Variants in SMC6 observed in about 807,000 individuals in gnomAD.
The protein encoded by SMC6 is structural maintenance of chromosomes 6, also known as structural maintenance of chromosomes protein 6.
Under a neutral mutation model 142.2 loss-of-function variants are expected in SMC6, and 79 were observed. The observed-to-expected ratio is 0.56, with a 90% CI of 0.46 to 0.67. SMC6 has a LOEUF of 0.67. SMC6 is among the 30% of genes least tolerant of loss of function. The pLI, the probability that SMC6 is intolerant of heterozygous loss-of-function variation, is 0.00. For synonymous variants in SMC6, 411 were observed against 412.4 expected, an observed-to-expected ratio of 1.00 and a Z score of 0.04; for missense variants, 1,072 against 1,284.0, an observed-to-expected ratio of 0.83 and a Z score of 2.52.
At chr2:17,725,227 CA>C in intron 9 of SMC6, 29 bp downstream of exon 9, 1 of 1,533,096 alleles carries the variant, frequency 6.5e-7, no homozygotes. Flanking sequence ...TGGCTGATCT[CA>C]AAAAGATTTA....
chr2:17,717,225 C>A, intron 12 of SMC6, 49 bp from the exon 13 acceptor site: 1 of 1,345,354 alleles, frequency 7.4e-7, no homozygotes, highest in South Asian at 1.3e-5. Flanking sequence ...ACACAAATAT[C>A]CCATTCACGT....
intron 23 of SMC6, 114 bp from the exon 24 acceptor site, chr2:17,683,877 G>T: frequency 6.8e-6 from 6 of 882,468 alleles, no homozygotes; most frequent in Non-Finnish European, 1.1e-5. Context: ...AGTACTAAGG[G>T]GGCCTAGTAG....
chr2:17,739,563 TGAACCTGG>T (rs1670323769), intron 4 of SMC6, among the ~76,000 whole-genome samples: 2 of 152,018 alleles, frequency 1.3e-5, no homozygotes, highest in Non-Finnish European at 2.9e-5. Context: ...GAGGATTACT[TGAACCTGG>T]GAGGTAGAGG....
intron 18 of SMC6, among the ~76,000 whole-genome samples, chr2:17,705,094 C>T (rs958951945): frequency 1.3e-5 from 2 of 150,560 alleles, no homozygotes; most frequent in African/African-American, 4.9e-5. Flanking sequence ...TTGTCTCTAC[C>T]AAAAAGTGCA....
At chr2:17,717,290 T>G in intron 12 of SMC6, 114 bp from the exon 13 acceptor site, 1 of 644,030 alleles carries the variant, frequency 1.6e-6, no homozygotes, top group Non-Finnish European at 2.5e-6. Flanking sequence ...ATTTTTTAAA[T>G]GAAGCACAAA....
intron 21 of SMC6, 121 bp downstream of exon 21, chr2:17,700,087 T>C: frequency 7.1e-6 from 4 of 561,122 alleles, no homozygotes; most frequent in Non-Finnish European, 1.2e-5. Context: ...ATTCTTTATA[T>C]TCAATTTTTA....
At chr2:17,677,542 C>T (rs1342118273) in intron 25 of SMC6, among the ~76,000 whole-genome samples, 1 of 152,192 alleles carries the variant, frequency 6.6e-6, no homozygotes, top group Non-Finnish European at 1.5e-5. Context: ...TTACCTTGGA[C>T]AGGCTCCCCT....
Position 17,707,273 on chromosome 2 carries a change from GA to G in SMC6, c.1951del (p.Ser651HisfsTer10), listed in dbSNP as rs1668554004. ...GAACTTAGGTCTTGTATTTTCAGAT[GA>G]ATAATAACGTCCTGCAAAAACTTGA... ...GDQVFAGRYY[S>X]SENTRPKFLS... On this transcript the variant is annotated frameshift_variant, in exon 18 of 28. Coordinates refer to ENST00000448223, the MANE Select transcript of SMC6 (RefSeq NM_001142286.2). LOFTEE classifies it high-confidence loss of function. 1 of 1,600,564 alleles carries G rather than the reference GA, an allele frequency of 6.2e-7. No homozygotes were observed. The highest frequency in any genetic ancestry group is 1.7e-5 in the Admixed American group (1 of 57,714).
chr2:17,720,995 A>G lies in SMC6; in HGVS notation c.890T>C (p.Ile297Thr), dbSNP rs771948461. ...AGCAGCACGATCTTCTCCAATTTTGATATTATCTCTGATGGCATTCAATTG... is the reference window on the plus strand; with the variant it reads ...AGCAGCACGATCTTCTCCAATTTTGGTATTATCTCTGATGGCATTCAATTG... The part of the protein sequence containing the change: ...EKQLNAIRDN[I>T]KIGEDRAARL... Residue 297 changes from isoleucine (I) to threonine (T), a missense_variant, in exon 11 of 28, where the codon ATC (isoleucine) becomes ACC (threonine). By Grantham distance (89) the Ile-to-Thr change is moderately conservative (BLOSUM62 -1). Coordinates refer to ENST00000448223, the MANE Select transcript of SMC6 (RefSeq NM_001142286.2). 5.0e-6 allele frequency: 8 copies of G among 1,613,730 alleles called. No individual in the cohort carries two copies. The highest frequency in any genetic ancestry group is 6.8e-6 in the Non-Finnish European group (8 of 1,179,882).
intron 2 of SMC6, among the ~76,000 whole-genome samples, chr2:17,748,616 T>C (rs952896709): frequency 5.3e-5 from 8 of 152,366 alleles, no homozygotes; most frequent in African/African-American, 1.9e-4. Context: ...TATTATTAAT[T>C]TAAATTCCCT....
intron 20 of SMC6, among the ~76,000 whole-genome samples, chr2:17,701,002 G>C (rs1668244166): frequency 6.6e-6 from 1 of 150,616 alleles, no homozygotes; most frequent in Non-Finnish European, 1.5e-5. Flanking sequence ...CTGCACTTCA[G>C]CCTGGGCAAC....
At chr2:17,751,293 C>T (rs1232363746) in intron 2 of SMC6, among the ~76,000 whole-genome samples, 1 of 151,700 alleles carries the variant, frequency 6.6e-6, no homozygotes, top group Non-Finnish European at 1.5e-5. Context: ...CCAGCCAGCC[C>T]AACGTGGTGA....
chr2:17,732,892 T>C (rs931914134), intron 5 of SMC6, among the ~76,000 whole-genome samples: 48 of 152,128 alleles, frequency 3.2e-4, no homozygotes, highest in African/African-American at 1.1e-3. Flanking sequence ...CAGCCACGCA[T>C]ATTTTAAGAT....
chr2:17,709,449 G>A (rs1348729749), intron 16 of SMC6, among the ~76,000 whole-genome samples: 6 of 152,146 alleles, frequency 3.9e-5, no homozygotes, highest in African/African-American at 1.4e-4. Context: ...ACTGAAAAAT[G>A]AACATACTAA....
At chr2:17,677,090 T>G (rs1355923364) in intron 25 of SMC6, among the ~76,000 whole-genome samples, 1 of 152,180 alleles carries the variant, frequency 6.6e-6, no homozygotes, top group Non-Finnish European at 1.5e-5. Context: ...CTTCTGAATA[T>G]AAATGGTGAG....
intron 18 of SMC6, among the ~76,000 whole-genome samples, chr2:17,705,544 G>A (rs1262322465): frequency 1.3e-5 from 2 of 150,724 alleles, no homozygotes; most frequent in Non-Finnish European, 3.0e-5. Context: ...CTCTAGCCTA[G>A]GTGACAGAGT....
At chr2:17,711,007 C>T (rs578227986) in intron 16 of SMC6, among the ~76,000 whole-genome samples, 3 of 152,048 alleles carry the variant, frequency 2.0e-5, no homozygotes, top group Non-Finnish European at 4.4e-5. Flanking sequence ...AAACAAAGTA[C>T]GGAACAAGGA....
chr2:17,698,471 G>A (rs80249978), intron 21 of SMC6, among the ~76,000 whole-genome samples: 4 of 152,046 alleles, frequency 2.6e-5, no homozygotes, highest in South Asian at 2.1e-4. Context: ...TTGTCATTAC[G>A]TAATGTCCTT....
At chr2:17,709,528 C>G (rs1668717074) in intron 16 of SMC6, among the ~76,000 whole-genome samples, 1 of 152,068 alleles carries the variant, frequency 6.6e-6, no homozygotes, top group African/African-American at 2.4e-5. Context: ...TAGTGCTTTC[C>G]TAGTCCTAGA....
Sources: gnomAD v4.1 joint callset for allele counts (sites outside exome capture counted in the v4.1 genomes callset) on GRCh38, gnomAD v4.1.1 for gene constraint, MANE v1.5 for transcripts, NCBI Gene and HGNC (gene_info 2026-07-23, HGNC 2026-07-21) for gene names.